The following RNF152 variants were observed in gnomAD, a reference collection of about 807,000 sequenced individuals.
RNF152 encodes the protein ring finger protein 152, also known as E3 ubiquitin-protein ligase RNF152.
A neutral mutation model predicts 12.7 loss-of-function variants in RNF152; 11 were observed. The ratio of observed to expected loss-of-function variants is 0.86; its 90% CI spans 0.54 to 1.43. The LOEUF is 1.43. Among genes scored for constraint, RNF152 ranks in the 40% most tolerant of loss-of-function variants. RNF152 has a pLI of 0.00. For missense variants in RNF152, 255 were observed against 274.8 expected, an observed-to-expected ratio of 0.93 and a Z score of 0.51; for synonymous variants, 113 against 120.3, an observed-to-expected ratio of 0.94 and a Z score of 0.40.
At chr18:61,817,570 G>A (rs968916044) in intron 1 of RNF152, among the ~76,000 whole-genome samples, 1 of 152,022 alleles carries the variant, frequency 6.6e-6, no homozygotes, top group African/African-American at 2.4e-5. Flanking sequence ...CATATTCTTG[G>A]GTTTTATAGC....
At position 61,868,234 on chromosome 18, in the gene RNF152, T is replaced by A. The variant is rs1477359853; in HGVS notation, c.-136+24561A>T. Among the ~76,000 whole-genome samples the A allele has an allele frequency of 2.6e-5, 4 of 152,340 alleles. No homozygotes were observed. The East Asian group carries it at 7.7e-4, about 29-fold the overall frequency. On this transcript the variant is annotated intron_variant, in intron 1 of 1. Coordinates refer to ENST00000312828, the MANE Select transcript of RNF152 (RefSeq NM_173557.3). ...TATCTGTGTTATGTTTCAGGGATGT[T>A]TAAAAGCATGTTAAAAATATGTCCC... is the stretch of plus-strand genomic sequence containing the variant.
At chr18:61,893,288 A>C (rs1913046733), upstream of RNF152, 1 of 152,292 alleles carries the variant, frequency 6.6e-6, no homozygotes, top group Non-Finnish European at 1.5e-5. Context: ...CGGGGCGCCT[A>C]GTCAGCCGCG....
chr18:61,817,273 T>C (rs1909157265), intron 1 of RNF152, among the ~76,000 whole-genome samples: 1 of 152,230 alleles, frequency 6.6e-6, no homozygotes, highest in Non-Finnish European at 1.5e-5. Context: ...CTTAAGGCAG[T>C]GTGGATCACA....
chr18:61,885,985 C>CTTTTTT (rs558169838), intron 1 of RNF152, among the ~76,000 whole-genome samples: 51 of 81,712 alleles, frequency 6.2e-4, no homozygotes, highest in African/African-American at 1.9e-3. Context: ...CTTTTGCTTT[C>CTTTTTT]TTTTTTTTTT....
At chr18:61,853,392 C>A (rs1911074427) in intron 1 of RNF152, among the ~76,000 whole-genome samples, 1 of 149,896 alleles carries the variant, frequency 6.7e-6, no homozygotes. Context: ...CAGGTTCAAG[C>A]AATTCTCCTG....
Position 61,816,514 on chromosome 18 carries a change from C to G in RNF152, c.-51G>C, listed in dbSNP as rs369709063. 15 of 1,554,588 alleles carry G rather than the reference C, an allele frequency of 9.6e-6. No individual in the cohort carries two copies. The highest frequency in any genetic ancestry group is 1.3e-5 in the Non-Finnish European group (15 of 1,146,670). ...GGCCAAGGTGAAGGGGAAGGAGCTG[C>G]TTCTCAGAGGCCACCGCCCTGTGTC... is the stretch of plus-strand genomic sequence containing the variant. On this transcript the variant is annotated 5_prime_UTR_variant, in exon 2 of 2. Coordinates refer to ENST00000312828, the MANE Select transcript of RNF152 (RefSeq NM_173557.3).
intron 1 of RNF152, chr18:61,888,788 G>A (rs1021209866): frequency 1.3e-5 from 2 of 152,174 alleles, no homozygotes; most frequent in Non-Finnish European, 2.9e-5. Context: ...AACTCTCGAA[G>A]CCATGGGAAA....
At chr18:61,892,531 T>C (rs919523021) in intron 1 of RNF152, among the ~76,000 whole-genome samples, 1 of 152,198 alleles carries the variant, frequency 6.6e-6, no homozygotes, top group African/African-American at 2.4e-5. Flanking sequence ...GTATGAATTA[T>C]ATCAAAATTC....
chr18:61,818,009 T>C (rs1370275987), intron 1 of RNF152, among the ~76,000 whole-genome samples: 1 of 152,190 alleles, frequency 6.6e-6, no homozygotes, highest in Non-Finnish European at 1.5e-5. Context: ...GCTATAACAC[T>C]CCTTCACATT....
At chr18:61,837,178 G>C (rs2144662273) in intron 1 of RNF152, among the ~76,000 whole-genome samples, 1 of 152,288 alleles carries the variant, frequency 6.6e-6, no homozygotes, top group Middle Eastern at 3.4e-3. Context: ...TGTAGGACTA[G>C]TACTGGCTCC....
At chr18:61,835,688 G>C (rs1214782942) in intron 1 of RNF152, among the ~76,000 whole-genome samples, 5 of 152,114 alleles carry the variant, frequency 3.3e-5, no homozygotes, top group Non-Finnish European at 5.9e-5. Context: ...TTCAACAACA[G>C]AACCACATTC....
intron 1 of RNF152, among the ~76,000 whole-genome samples, chr18:61,886,397 C>A (rs926242278): frequency 5.3e-5 from 8 of 152,192 alleles, no homozygotes; most frequent in African/African-American, 1.9e-4. Context: ...CTTTAAGGAG[C>A]TTGCAAGAGA....
At chr18:61,824,148 T>C (rs1909548757) in intron 1 of RNF152, among the ~76,000 whole-genome samples, 1 of 152,258 alleles carries the variant, frequency 6.6e-6, no homozygotes, top group Non-Finnish European at 1.5e-5. Flanking sequence ...TGAGTGATGA[T>C]AACTACTGGT....
intron 1 of RNF152, among the ~76,000 whole-genome samples, chr18:61,860,181 G>A (rs1299480009): frequency 6.6e-6 from 1 of 152,086 alleles, no homozygotes; most frequent in African/African-American, 2.4e-5. Flanking sequence ...GAAGTGCATG[G>A]GCCTGCCGAC....
At chr18:61,840,922 T>C (rs2144670928) in intron 1 of RNF152, among the ~76,000 whole-genome samples, 1 of 152,228 alleles carries the variant, frequency 6.6e-6, no homozygotes, top group Non-Finnish European at 1.5e-5. Flanking sequence ...AAAGCACCAT[T>C]GTTATTCTTC....
rs140610804 is a variant in RNF152, at chr18:61,849,392, A to G, written c.-135-32794T>C. Among the ~76,000 whole-genome samples the G allele has an allele frequency of 7.7e-3, 1,171 of 152,274 alleles. 7 individuals carry two copies. The highest frequency in any genetic ancestry group is 0.014 in the Middle Eastern group (4 of 294). On this transcript the variant is annotated intron_variant, in intron 1 of 1. Transcript: ENST00000312828. ...TTTGAGAACTTGGCTCCCTTTTCTA[A>G]AATTATGTCAAAAGTGTCACAGGTG...
chr18:61,875,950 C>G (rs1599319898), intron 1 of RNF152, among the ~76,000 whole-genome samples: 1 of 152,174 alleles, frequency 6.6e-6, no homozygotes, highest in East Asian at 1.9e-4. Flanking sequence ...TGACCACATC[C>G]TCCTCCAGTC....
chr18:61,818,129 CA>C (rs1186063047), intron 1 of RNF152, among the ~76,000 whole-genome samples: 7 of 152,014 alleles, frequency 4.6e-5, no homozygotes, highest in African/African-American at 1.4e-4. Flanking sequence ...AAGAATGCAC[CA>C]AAAACCAACC....
chr18:61,858,432 C>A (rs953986972), intron 1 of RNF152, among the ~76,000 whole-genome samples: 1 of 152,064 alleles, frequency 6.6e-6, no homozygotes, highest in Non-Finnish European at 1.5e-5. Flanking sequence ...GACCTATCTC[C>A]CCTGCAACCG....
Sources: allele counts gnomAD v4.1 joint callset (sites outside exome capture counted in the v4.1 genomes callset), GRCh38; gene constraint gnomAD v4.1.1; transcripts MANE v1.5; gene names NCBI Gene and HGNC (gene_info 2026-07-23, HGNC 2026-07-21).